The following CCDC152 variants were observed in gnomAD, a reference collection of about 807,000 sequenced individuals.
CCDC152 encodes coiled-coil domain containing 152, also known as coiled-coil domain-containing protein 152.
CCDC152 carries 37 observed loss-of-function variants against 38.1 expected under a neutral mutation model. The ratio of observed to expected loss-of-function variants is 0.97; its 90% CI spans 0.75 to 1.28. The LOEUF is 1.28. CCDC152 is among the 50% of genes most tolerant of loss of function. The probability of loss-of-function intolerance (pLI) is 0.00; values close to 1 mark genes in which losing one functional copy is unlikely to be tolerated. For missense variants in CCDC152, 259 were observed against 292.1 expected (o/e 0.89, Z 0.83); for synonymous variants, 83 against 87.1 (o/e 0.95, Z 0.26).
intron 5 of CCDC152, among the ~76,000 whole-genome samples, chr5:42,782,121 A>C (rs143251515): frequency 1.3e-5 from 2 of 152,104 alleles, no homozygotes; most frequent in Non-Finnish European, 2.9e-5. Flanking sequence ...CTTTCTCTCT[A>C]TGCCTCCTCA....
At chr5:42,788,432 CTTACA>C (rs1759952514) in intron 6 of CCDC152, among the ~76,000 whole-genome samples, 1 of 151,942 alleles carries the variant, frequency 6.6e-6, no homozygotes, top group Non-Finnish European at 1.5e-5. Context: ...TTACAGAAGC[CTTACA>C]AACCAGAAGA....
intron 3 of CCDC152, among the ~76,000 whole-genome samples, chr5:42,768,971 C>A (rs1759661884): frequency 6.6e-6 from 1 of 152,150 alleles, no homozygotes; most frequent in Admixed American, 6.6e-5. Context: ...AGGCTCACAC[C>A]TATAGTCCCA....
intron 6 of CCDC152, among the ~76,000 whole-genome samples, chr5:42,788,695 A>G (rs188972413): frequency 1.4e-4 from 22 of 152,376 alleles, no homozygotes; most frequent in Non-Finnish European, 2.8e-4. Context: ...TCAAATATCC[A>G]TCTGCAAGTC....
intron 7 of CCDC152, among the ~76,000 whole-genome samples, chr5:42,797,660 G>A (rs753230474): frequency 5.3e-5 from 8 of 152,094 alleles, no homozygotes; most frequent in African/African-American, 9.6e-5. Context: ...CATCCCAGCC[G>A]AAATTTGTCA....
intron 1 of CCDC152, among the ~76,000 whole-genome samples, chr5:42,757,540 G>A (rs908095261): frequency 1.3e-5 from 2 of 152,190 alleles, no homozygotes; most frequent in Non-Finnish European, 2.9e-5. Context: ...AGTCTCTGCG[G>A]CTCACTAAGG....
At chr5:42,757,561 G>A (rs1380583614) in intron 1 of CCDC152, among the ~76,000 whole-genome samples, 4 of 152,178 alleles carry the variant, frequency 2.6e-5, no homozygotes, top group Non-Finnish European at 5.9e-5. Flanking sequence ...AATTTGACAA[G>A]CACTGAATCA....
chr5:42,788,515 C>T (rs1391801159), intron 6 of CCDC152, among the ~76,000 whole-genome samples: 1 of 152,090 alleles, frequency 6.6e-6, no homozygotes. Flanking sequence ...CTGCCTTGGC[C>T]TCCCAAAGTG....
chr5:42,768,619 A>G (rs1759656603), intron 3 of CCDC152, among the ~76,000 whole-genome samples: 1 of 152,120 alleles, frequency 6.6e-6, no homozygotes, highest in Non-Finnish European at 1.5e-5. Context: ...CTGAGTTTTT[A>G]CTCCTTTTAT....
chr5:42,772,213 A>G (rs1249828812), intron 4 of CCDC152, among the ~76,000 whole-genome samples: 1 of 152,210 alleles, frequency 6.6e-6, no homozygotes, highest in Admixed American at 6.5e-5. Context: ...ACATTTGACA[A>G]AATTCAACAT....
chr5:42,799,407 A>C lies in CCDC152; in HGVS notation c.591A>C (p.Lys197Asn). ...CCAAACTAGCAAGAGTTCAGACTAA[A>C]TCAAAATCATATCAGGATTCTACTG... ...FDAKLARVQT[K>N]SKSYQDSTVL... Residue 197 changes from lysine (K) to asparagine (N), a missense_variant, in exon 8 of 9, where the codon AAA (lysine) becomes AAC (asparagine). Transcript: ENST00000361970. 6.5e-7 allele frequency: 1 copy of C among 1,545,722 alleles called. No individual in the cohort carries two copies. The highest frequency in any genetic ancestry group is 8.7e-7 in the Non-Finnish European group (1 of 1,144,024).
In CCDC152 at chr5:42,783,571, GA is replaced by G; in HGVS notation, c.429del (p.Val144LeufsTer3). ...AGCAAACTTTATCAGGACATGCAGA[GA>G]AAAGGTAAGTTTAAAATAAACTTGC... ...EISKLYQDMQ[R>X]KVELNEEKHK... On this transcript the variant is annotated frameshift_variant, in exon 6 of 9. Transcript: ENST00000361970. LOFTEE classifies it high-confidence loss of function. 1 of 1,352,284 alleles carries G rather than the reference GA, an allele frequency of 7.4e-7. No individual in the cohort carries two copies. Among genetic ancestry groups the G allele is most frequent in the Non-Finnish European group, 9.6e-7 (1 of 1,041,104 alleles). 83.8% of individuals were successfully genotyped at this position (1,352,284 alleles called of 1,614,324 possible). A position where few individuals can be genotyped will look rare whatever the true frequency, so the allele number is the denominator to read the frequency against.
intron 7 of CCDC152, 39 bp from the exon 8 acceptor site, chr5:42,799,336 G>A: frequency 9.8e-7 from 1 of 1,025,302 alleles, no homozygotes; most frequent in Non-Finnish European, 1.5e-6. Flanking sequence ...GTTTCTAATT[G>A]TCTAGAGTTT....
intron 6 of CCDC152, among the ~76,000 whole-genome samples, chr5:42,789,124 G>A (rs1310026332): frequency 1.3e-5 from 2 of 152,206 alleles, no homozygotes; most frequent in East Asian, 1.9e-4. Context: ...AAGGGCAGAC[G>A]ACCTCCTTAG....
Position 42,800,901 on chromosome 5 carries a change from T to G in CCDC152, c.*1120T>G, listed in dbSNP as rs765771253. 1 of 1,614,232 alleles carries G rather than the reference T, an allele frequency of 6.2e-7. No homozygotes were observed. The highest frequency in any genetic ancestry group is 1.1e-5 in the South Asian group (1 of 91,082). ...TCAGCTACATAAAGATGGGAGGTTT[T>G]CTTTACACTGTCAGGTGATTGCAGA... On this transcript the variant is annotated 3_prime_UTR_variant, in exon 9 of 9. Transcript: ENST00000361970.
At chr5:42,760,639 T>C (rs1163918880) in intron 2 of CCDC152, among the ~76,000 whole-genome samples, 2 of 152,218 alleles carry the variant, frequency 1.3e-5, no homozygotes, top group East Asian at 1.9e-4. Context: ...GGGAGGCTAA[T>C]ATCTACTTCT....
At chr5:42,785,925 T>C (rs1430738804) in intron 6 of CCDC152, among the ~76,000 whole-genome samples, 4 of 152,218 alleles carry the variant, frequency 2.6e-5, no homozygotes, top group Admixed American at 6.5e-5. Flanking sequence ...GCGAATCACA[T>C]TTATTGACTT....
At chr5:42,780,809 T>A (rs1759834709) in intron 5 of CCDC152, among the ~76,000 whole-genome samples, 1 of 152,210 alleles carries the variant, frequency 6.6e-6, no homozygotes, top group South Asian at 2.1e-4. Context: ...TTGCAACTTG[T>A]ATAGAGAGAA....
Position 42,779,461 on chromosome 5 carries a change from A to T in CCDC152, c.266A>T (p.Glu89Val). The T allele has an allele frequency of 6.7e-7, 1 of 1,487,792 alleles. No homozygotes were observed. The highest frequency in any genetic ancestry group is 2.5e-5 in the East Asian group (1 of 40,524). 92.2% of individuals were successfully genotyped at this position (1,487,792 alleles called of 1,614,324 possible). A position where few individuals can be genotyped will look rare whatever the true frequency, so the allele number is the denominator to read the frequency against. The stretch of plus-strand genomic sequence containing the variant: ...TTCTTTGATTATTCTTACACAGGTG[A>T]AAATGAACAACTAAAAATAAGTGCT... ...TIEYQQNLKG[E>V]NEQLKISADL... Residue 89 changes from glutamate to valine, a missense_variant, in exon 5 of 9, where the codon GAA (glutamate) becomes GTA (valine). By Grantham distance (121) the Glu-to-Val change is moderately radical. Coordinates refer to ENST00000361970, the MANE Select transcript of CCDC152 (RefSeq NM_001134848.2).
At chr5:42,798,095 G>A (rs149218635) in intron 7 of CCDC152, among the ~76,000 whole-genome samples, 88 of 152,270 alleles carry the variant, frequency 5.8e-4, no homozygotes, top group African/African-American at 2.1e-3. Flanking sequence ...ACTTAGCAGT[G>A]AGCCGAGATT....
Sources: gnomAD v4.1 joint callset for allele counts (sites outside exome capture counted in the v4.1 genomes callset) on GRCh38, gnomAD v4.1.1 for gene constraint, MANE v1.5 for transcripts, NCBI Gene and HGNC (gene_info 2026-07-23, HGNC 2026-07-21) for gene names.